The following ASTN2 variants were observed in gnomAD, a reference collection of about 807,000 sequenced individuals.
The protein encoded by ASTN2 is astrotactin-2.
A neutral mutation model predicts 139.8 loss-of-function variants in ASTN2; 54 were observed. The observed-to-expected ratio is 0.39, with a 90% CI of 0.31 to 0.48. The LOEUF is 0.48. Among genes scored for constraint, ASTN2 ranks in the 20% least tolerant of loss-of-function variants. The pLI is 0.95. For synonymous variants in ASTN2, 756 were observed against 719.5 expected, an observed-to-expected ratio of 1.05 and a Z score of -0.81; for missense variants, 1,565 against 1,725.1, an observed-to-expected ratio of 0.91 and a Z score of 1.64.
intron 5 of ASTN2, among the ~76,000 whole-genome samples, chr9:117,087,357 C>T (rs1242754076): frequency 6.6e-6 from 1 of 152,024 alleles, no homozygotes; most frequent in Non-Finnish European, 1.5e-5. Flanking sequence ...GCCTCAGCCT[C>T]CTGAGTAGCT....
At chr9:117,323,625 G>A (rs1469776733) in intron 1 of ASTN2, among the ~76,000 whole-genome samples, 2 of 152,150 alleles carry the variant, frequency 1.3e-5, no homozygotes, top group Non-Finnish European at 2.9e-5. Context: ...TGGGGGCATG[G>A]AAGAGGCTCA....
chr9:117,375,989 C>A (rs1324005358), intron 1 of ASTN2, among the ~76,000 whole-genome samples: 1 of 152,104 alleles, frequency 6.6e-6, no homozygotes, highest in East Asian at 1.9e-4. Flanking sequence ...AATGCCACTG[C>A]CTGATTCTTA....
chr9:117,032,548 C>A (rs1838277188), intron 6 of ASTN2, among the ~76,000 whole-genome samples: 1 of 152,144 alleles, frequency 6.6e-6, no homozygotes, highest in African/African-American at 2.4e-5. Flanking sequence ...GATCCACTTA[C>A]AATGTGGTGT....
intron 16 of ASTN2, among the ~76,000 whole-genome samples, chr9:116,715,916 G>T (rs1391531794): frequency 1.3e-5 from 2 of 152,136 alleles, no homozygotes; most frequent in African/African-American, 2.4e-5. Context: ...CTCTCAGGTT[G>T]GTAGGTTAGA....
At chr9:116,965,981 C>A (rs559237037) in intron 10 of ASTN2, among the ~76,000 whole-genome samples, 1 of 152,158 alleles carries the variant, frequency 6.6e-6, no homozygotes, top group Non-Finnish European at 1.5e-5. Flanking sequence ...GGAAGCTGAG[C>A]GGGAGGCCTC....
At chr9:117,167,271 C>T (rs1342162777) in intron 3 of ASTN2, among the ~76,000 whole-genome samples, 1 of 151,696 alleles carries the variant, frequency 6.6e-6, no homozygotes, top group Admixed American at 6.6e-5. Flanking sequence ...ACACCAAAAC[C>T]TTTTTTTTCA....
chr9:117,342,359 A>G (rs1353850419), intron 1 of ASTN2, among the ~76,000 whole-genome samples: 2 of 152,314 alleles, frequency 1.3e-5, no homozygotes, highest in East Asian at 3.9e-4. Context: ...AAAATAATAC[A>G]TGTTTGTTCG....
At chr9:117,000,249 G>C (rs573302810) in intron 7 of ASTN2, among the ~76,000 whole-genome samples, 4 of 152,078 alleles carry the variant, frequency 2.6e-5, no homozygotes, top group African/African-American at 7.2e-5. Context: ...AAAAAATAAG[G>C]CTTGAATATG....
intron 1 of ASTN2, among the ~76,000 whole-genome samples, chr9:117,295,910 CAT>C (rs2130790898): frequency 6.6e-6 from 1 of 152,102 alleles, no homozygotes; most frequent in South Asian, 2.1e-4. Flanking sequence ...GAGGAGAAGG[CAT>C]AGAGATCAGC....
At chr9:117,251,339 C>T (rs1413912171) in intron 2 of ASTN2, among the ~76,000 whole-genome samples, 2 of 151,542 alleles carry the variant, frequency 1.3e-5, no homozygotes, top group Non-Finnish European at 2.9e-5. Context: ...AAAATAGAAC[C>T]ACCTGTCATT....
At chr9:116,628,375 A>T (rs1268687648) in intron 17 of ASTN2, among the ~76,000 whole-genome samples, 1 of 152,150 alleles carries the variant, frequency 6.6e-6, no homozygotes, top group Non-Finnish European at 1.5e-5. Flanking sequence ...TCTTTCTTCA[A>T]GTTGGACATT....
chr9:116,956,628 A>C (rs920981725), intron 10 of ASTN2, among the ~76,000 whole-genome samples: 1 of 151,890 alleles, frequency 6.6e-6, no homozygotes, highest in Non-Finnish European at 1.5e-5. Flanking sequence ...CAATAAAATG[A>C]TCTCCATTCA....
chr9:116,662,343 T>C (rs1588156668), intron 16 of ASTN2, among the ~76,000 whole-genome samples: 1 of 152,034 alleles, frequency 6.6e-6, no homozygotes, highest in African/African-American at 2.4e-5. Flanking sequence ...GAGGCTAAGG[T>C]GGGCGGATCA....
chr9:117,068,170 G>A (rs1261003901), intron 5 of ASTN2, among the ~76,000 whole-genome samples: 2 of 62,464 alleles, frequency 3.2e-5, no homozygotes, highest in African/African-American at 1.3e-4. Flanking sequence ...TTATTATTTT[G>A]AAATACGTCC....
chr9:116,805,527 G>A, intron 13 of ASTN2, 105 bp downstream of exon 13: 1 of 1,040,068 alleles, frequency 9.6e-7, no homozygotes, highest in South Asian at 1.5e-5. Flanking sequence ...AGTGATGCTG[G>A]CCAGAATAAC....
chr9:116,594,822 C>A (rs931035988), intron 19 of ASTN2, among the ~76,000 whole-genome samples: 1 of 152,176 alleles, frequency 6.6e-6, no homozygotes, highest in African/African-American at 2.4e-5. Flanking sequence ...CTTAAGTCTT[C>A]CCATGATTTC....
intron 10 of ASTN2, among the ~76,000 whole-genome samples, chr9:116,903,480 G>T (rs1262510583): frequency 6.6e-6 from 1 of 152,118 alleles, no homozygotes; most frequent in Non-Finnish European, 1.5e-5. Flanking sequence ...TTGAGTGTTA[G>T]GGTCTCTTAA....
At chr9:117,082,837 T>C (rs1828463945) in intron 5 of ASTN2, among the ~76,000 whole-genome samples, 2 of 152,102 alleles carry the variant, frequency 1.3e-5, no homozygotes, top group Admixed American at 6.6e-5. Flanking sequence ...ACACCCTTCA[T>C]AGACTCGTCA....
intron 19 of ASTN2, among the ~76,000 whole-genome samples, chr9:116,541,034 T>C (rs1374284078): frequency 1.3e-5 from 2 of 151,710 alleles, no homozygotes; most frequent in African/African-American, 4.8e-5. Flanking sequence ...AAAATATACA[T>C]GACATTCTCC....
Sources: gnomAD v4.1 joint callset for allele counts (sites outside exome capture counted in the v4.1 genomes callset) on GRCh38, gnomAD v4.1.1 for gene constraint, MANE v1.5 for transcripts, NCBI Gene and HGNC (gene_info 2026-07-23, HGNC 2026-07-21) for gene names.